SPAG1: variants seen among roughly 807,000 people sequenced by gnomAD.
SPAG1 encodes sperm-associated antigen 1.
A neutral mutation model predicts 100.5 loss-of-function variants in SPAG1; 69 were observed. The observed-to-expected ratio is 0.69, with a 90% confidence interval of 0.57 to 0.84. The LOEUF (loss-of-function observed/expected upper bound fraction) is 0.84. SPAG1 is among the 40% of genes least tolerant of loss of function. SPAG1 has a pLI of 0.00. For synonymous variants in SPAG1, 336 were observed against 411.6 expected (o/e 0.82, Z 2.22); for missense variants, 955 against 1,133.1 (o/e 0.84, Z 2.26).
chr8:100,212,269 A>C lies in SPAG1; in HGVS notation c.1097-821A>C, dbSNP rs201137819. On this transcript the variant is annotated intron_variant, in intron 10 of 18. Coordinates refer to ENST00000388798, the MANE Select transcript of SPAG1 (RefSeq NM_003114.5). ...TTTACCATTCATGAAAAAGAATGGA[A>C]AATATATCCATTAAGAATCAGATAA... 2.2e-4 allele frequency among the ~76,000 whole-genome samples: 34 copies of C among 152,316 alleles called. No individual in the cohort carries two copies. The East Asian group carries it at 6.4e-3, about 29-fold the overall frequency.
At chr8:100,165,434 G>A (rs1478105203) in intron 2 of SPAG1, 2 of 414,424 alleles carry the variant, frequency 4.8e-6, no homozygotes, top group African/African-American at 2.1e-5. Context: ...TACGCCAGCC[G>A]CGGGTCAGAC....
chr8:100,195,372 A>AG (rs1816991315), intron 10 of SPAG1, among the ~76,000 whole-genome samples: 1 of 152,216 alleles, frequency 6.6e-6, no homozygotes, highest in African/African-American at 2.4e-5. Flanking sequence ...TTAAAAATAA[A>AG]GAACGAGTTT....
At chr8:100,213,753 G>T (rs1817845637) in intron 11 of SPAG1, 66 bp from the exon 12 acceptor site, 3 of 1,049,136 alleles carry the variant, frequency 2.9e-6, no homozygotes, top group East Asian at 2.4e-5. Flanking sequence ...CGGCCGTCTT[G>T]TAATTCTGGT....
chr8:100,191,330 A>G, intron 8 of SPAG1, 60 bp from the exon 9 acceptor site: 1 of 1,185,866 alleles, frequency 8.4e-7, no homozygotes, highest in Non-Finnish European at 1.2e-6. Flanking sequence ...CTTGCCAAAT[A>G]TGTTGTAACC....
intron 2 of SPAG1, among the ~76,000 whole-genome samples, chr8:100,164,529 A>T (rs1195070301): frequency 2.0e-5 from 3 of 152,074 alleles, no homozygotes; most frequent in African/African-American, 4.8e-5. Context: ...GGTTCAAGTG[A>T]TTCTCCTGCC....
chr8:100,221,871 G>A (rs774452497), intron 13 of SPAG1, among the ~76,000 whole-genome samples: 1 of 152,248 alleles, frequency 6.6e-6, no homozygotes, highest in Non-Finnish European at 1.5e-5. Flanking sequence ...TGTGGTCCCA[G>A]CCCTGCTGGA....
intron 2 of SPAG1, chr8:100,165,523 A>C: frequency 2.7e-6 from 1 of 373,242 alleles, no homozygotes. Context: ...CCGCGGAGCA[A>C]CCCCACTTCC....
chr8:100,215,715 G>T (rs1817953677), intron 12 of SPAG1, among the ~76,000 whole-genome samples: 1 of 152,100 alleles, frequency 6.6e-6, no homozygotes, highest in Non-Finnish European at 1.5e-5. Flanking sequence ...TAGTAGAGAC[G>T]GGGTTTCACA....
chr8:100,161,335 A>G (rs1192424028), intron 1 of SPAG1, among the ~76,000 whole-genome samples: 4 of 152,128 alleles, frequency 2.6e-5, no homozygotes, highest in Non-Finnish European at 5.9e-5. Flanking sequence ...GAGTGACACC[A>G]TCTCAAAAAC....
intron 10 of SPAG1, among the ~76,000 whole-genome samples, chr8:100,196,569 A>G (rs1357219510): frequency 6.6e-6 from 1 of 152,118 alleles, no homozygotes; most frequent in African/African-American, 2.4e-5. Context: ...TTGTTTTCCT[A>G]CTGTTAAGTC....
chr8:100,164,621 C>T (rs1024884816), intron 2 of SPAG1, among the ~76,000 whole-genome samples: 35 of 152,100 alleles, frequency 2.3e-4, no homozygotes, highest in Admixed American at 7.9e-4. Flanking sequence ...GAGTCCATTT[C>T]GCCATGTTGG....
At position 100,213,114 on chromosome 8, in the gene SPAG1, C is replaced by G; in HGVS notation, c.1121C>G (p.Ala374Gly). ...DKKPAEPAGAARAAQPCVMGN... is the reference protein window; with the variant it reads ...DKKPAEPAGAGRAAQPCVMGN... ...GAGCCCGCGGAGCCGGCGGGAGCCG[C>G]GCGCGCCGCCCAGCCGTGCGTCATG... Residue 374 changes from alanine to glycine, a missense_variant, in exon 11 of 19, where the codon GCG (alanine) becomes GGG (glycine). Transcript: ENST00000388798. The G allele has an allele frequency of 6.7e-7, 1 of 1,481,574 alleles. No homozygotes were observed. The highest frequency in any genetic ancestry group is 8.9e-7 in the Non-Finnish European group (1 of 1,123,254). 91.8% of individuals were successfully genotyped at this position (1,481,574 alleles called of 1,614,324 possible).
intron 14 of SPAG1, among the ~76,000 whole-genome samples, chr8:100,229,511 G>A (rs947456295): frequency 1.3e-5 from 2 of 152,168 alleles, no homozygotes; most frequent in African/African-American, 4.8e-5. Context: ...CTGTTATTCT[G>A]TTCATCTGAA....
chr8:100,183,101 T>G (rs1346141468), intron 4 of SPAG1, among the ~76,000 whole-genome samples: 1 of 152,134 alleles, frequency 6.6e-6, no homozygotes, highest in Non-Finnish European at 1.5e-5. Flanking sequence ...AACCTCCAAG[T>G]ACCTGGGATT....
chr8:100,170,341 C>A (rs543787133), intron 3 of SPAG1, among the ~76,000 whole-genome samples: 1 of 152,194 alleles, frequency 6.6e-6, no homozygotes, highest in South Asian at 2.1e-4. Flanking sequence ...TTTTGCTCAT[C>A]CTGTCATCTC....
At chr8:100,230,782 C>G (rs1209548734) in intron 14 of SPAG1, among the ~76,000 whole-genome samples, 1 of 152,008 alleles carries the variant, frequency 6.6e-6, no homozygotes, top group African/African-American at 2.4e-5. Context: ...TGCCACTACG[C>G]CCAGCTAATT....
At chr8:100,213,602 G>A (rs1817838589) in intron 11 of SPAG1, among the ~76,000 whole-genome samples, 174 bp downstream of exon 11, 1 of 152,210 alleles carries the variant, frequency 6.6e-6, no homozygotes, top group Non-Finnish European at 1.5e-5. Flanking sequence ...AGCAGCACCT[G>A]GGAATGCCGG....
At position 100,168,687 on chromosome 8, in the gene SPAG1, C is replaced by CTTTTTTTTTTTTTTTTT. The variant is rs747506730; in HGVS notation, c.300+2725_300+2726insTTTTTTTTTTTTTTTTT. On this transcript the variant is annotated intron_variant, in intron 3 of 18. Transcript: ENST00000388798. ...AGCATGAGCCACCATGCCCAGCCATCTTTTTTTTTTTGTTGTTGAGACAGA... is the reference window on the plus strand; with the variant it reads ...AGCATGAGCCACCATGCCCAGCCATCTTTTTTTTTTTTTTTTTTTTTTTTTTTTGTTGTTGAGACAGA... Among the ~76,000 whole-genome samples the CTTTTTTTTTTTTTTTTT allele has an allele frequency of 6.9e-3, 654 of 95,458 alleles. 139 individuals carry two copies. Among genetic ancestry groups the CTTTTTTTTTTTTTTTTT allele is most frequent in the African/African-American group, 0.011 (241 of 22,422 alleles). The allele number at this position is 95,458 out of a possible 152,430, so 62.6% of individuals were successfully genotyped here. A position where few individuals can be genotyped will look rare whatever the true frequency, so the allele number is the denominator to read the frequency against.
intron 3 of SPAG1, among the ~76,000 whole-genome samples, chr8:100,168,230 C>T (rs1049815490): frequency 3.3e-5 from 5 of 152,022 alleles, no homozygotes; most frequent in African/African-American, 7.2e-5. Flanking sequence ...TAGTATTGTC[C>T]GTTTTGTTAG....
Sources: allele counts gnomAD v4.1 joint callset (sites outside exome capture counted in the v4.1 genomes callset), GRCh38; gene constraint gnomAD v4.1.1; transcripts MANE v1.5; gene names NCBI Gene and HGNC (gene_info 2026-07-23, HGNC 2026-07-21).